Variants in AKAP19 observed in about 807,000 individuals in gnomAD.
The protein encoded by AKAP19 is A-kinase anchoring protein 19, also known as small A-kinase anchoring protein.
chr2:190,183,723 G>T, the AKAP19 span, among the ~76,000 whole-genome samples: 1 of 151,958 alleles, frequency 6.6e-6, no homozygotes, highest in African/African-American at 2.4e-5. Flanking sequence ...GAGGTTGTCA[G>T]AATAGTTCTG....
At chr2:190,081,524 A>T in the AKAP19 span, among the ~76,000 whole-genome samples, 27 of 152,090 alleles carry the variant, frequency 1.8e-4, no homozygotes, top group Non-Finnish European at 3.4e-4. Flanking sequence ...TTAAGCATTA[A>T]CCATCTTGCC....
chr2:189,894,136 C>T, the AKAP19 span, among the ~76,000 whole-genome samples: 1 of 152,100 alleles, frequency 6.6e-6, no homozygotes, highest in African/African-American at 2.4e-5. Flanking sequence ...GACCAAGAAT[C>T]TCTTTAGATG....
At chr2:190,157,216 A>T in the AKAP19 span, among the ~76,000 whole-genome samples, 1 of 152,262 alleles carries the variant, frequency 6.6e-6, no homozygotes, top group Admixed American at 6.5e-5. Context: ...GCCTCACAGA[A>T]CTACATTCAA....
At chr2:190,189,359 C>G in the AKAP19 span, among the ~76,000 whole-genome samples, 2 of 152,140 alleles carry the variant, frequency 1.3e-5, no homozygotes, top group Non-Finnish European at 2.9e-5. Context: ...AGTGACAGCT[C>G]CATTCTTATT....
chr2:190,074,992 G>A, the AKAP19 span, among the ~76,000 whole-genome samples: 1 of 151,466 alleles, frequency 6.6e-6, no homozygotes, highest in African/African-American at 2.5e-5. Context: ...TCTTTGCCGT[G>A]ATGAATTTAA....
the AKAP19 span, among the ~76,000 whole-genome samples, chr2:190,147,509 G>A: frequency 1.3e-5 from 2 of 152,088 alleles, no homozygotes; most frequent in Non-Finnish European, 2.9e-5. Context: ...GTGAATTTTA[G>A]AATTGTTTTT....
chr2:190,004,920 C>T, the AKAP19 span, among the ~76,000 whole-genome samples: 9 of 152,260 alleles, frequency 5.9e-5, no homozygotes, highest in South Asian at 2.1e-4. Context: ...TTACTGTGTC[C>T]GCAATTCATT....
the AKAP19 span, among the ~76,000 whole-genome samples, chr2:190,157,679 T>C: frequency 6.6e-6 from 1 of 152,154 alleles, no homozygotes; most frequent in South Asian, 2.1e-4. Flanking sequence ...CTATATCCAT[T>C]GTGGGAAAAA....
the AKAP19 span, among the ~76,000 whole-genome samples, chr2:190,013,766 C>G: frequency 6.6e-6 from 1 of 152,128 alleles, no homozygotes; most frequent in African/African-American, 2.4e-5. Context: ...GATCCACCCA[C>G]CTCGGCCTCC....
At chr2:190,188,733 A>C in the AKAP19 span, among the ~76,000 whole-genome samples, 1,043 of 152,376 alleles carry the variant, frequency 6.8e-3, 12 homozygotes, top group African/African-American at 0.023. Context: ...AGTATTTAAA[A>C]GTATTTAAAC....
chr2:189,972,198 A>G, the AKAP19 span, among the ~76,000 whole-genome samples: 1 of 152,140 alleles, frequency 6.6e-6, no homozygotes, highest in Non-Finnish European at 1.5e-5. Context: ...CTTTCTACAT[A>G]TGGCTAGCCA....
the AKAP19 span, among the ~76,000 whole-genome samples, chr2:189,948,079 C>A: frequency 2.6e-5 from 4 of 152,066 alleles, no homozygotes; most frequent in African/African-American, 9.7e-5. Context: ...CTTATCACAG[C>A]GGTAAGTACA....
the AKAP19 span, among the ~76,000 whole-genome samples, chr2:189,944,017 T>C: frequency 2.6e-5 from 4 of 152,208 alleles, no homozygotes; most frequent in Non-Finnish European, 5.9e-5. Context: ...CTTTGGACTT[T>C]TGCATTAATG....
chr2:190,057,657 AC>A, the AKAP19 span: 1 of 1,612,226 alleles, frequency 6.2e-7, no homozygotes, highest in Non-Finnish European at 8.5e-7. Context: ...AAAGGAAAGA[AC>A]AATCAGTAAT....
At chr2:189,904,598 TAA>T in the AKAP19 span, among the ~76,000 whole-genome samples, 4 of 152,030 alleles carry the variant, frequency 2.6e-5, no homozygotes, top group Middle Eastern at 3.2e-3. Flanking sequence ...ATCTGTTTTT[TAA>T]AGTCACTTTT....
the AKAP19 span, among the ~76,000 whole-genome samples, chr2:190,000,317 C>T: frequency 6.6e-6 from 1 of 152,210 alleles, no homozygotes; most frequent in Non-Finnish European, 1.5e-5. Flanking sequence ...GTTGCTGTTA[C>T]TAGAACAGAC....
the AKAP19 span, among the ~76,000 whole-genome samples, chr2:189,887,900 G>T: frequency 6.6e-6 from 1 of 152,028 alleles, no homozygotes; most frequent in Non-Finnish European, 1.5e-5. Context: ...CTCCCATTGT[G>T]TAGGTTGCCT....
the AKAP19 span, among the ~76,000 whole-genome samples, chr2:190,081,924 C>G: frequency 6.6e-6 from 1 of 152,114 alleles, no homozygotes; most frequent in Non-Finnish European, 1.5e-5. Context: ...GAGTTCCCAG[C>G]CATGATGGGA....
the AKAP19 span, among the ~76,000 whole-genome samples, chr2:190,094,884 T>A: frequency 1.3e-5 from 2 of 152,250 alleles, no homozygotes; most frequent in African/African-American, 4.8e-5. Context: ...ATTACAATTC[T>A]GCTGGTTCAA....
Sources: allele counts gnomAD v4.1 joint callset (sites outside exome capture counted in the v4.1 genomes callset), GRCh38; gene constraint gnomAD v4.1.1; transcripts MANE v1.5; gene names NCBI Gene and HGNC (gene_info 2026-07-23, HGNC 2026-07-21).